RYR2: variants seen among roughly 807,000 people sequenced by gnomAD.
The protein encoded by RYR2 is ryanodine receptor 2, also known as cardiac muscle ryanodine receptor-calcium release channel.
RYR2 carries 227 observed loss-of-function variants against 601.1 expected under a neutral mutation model. The ratio of observed to expected loss-of-function variants is 0.38; its 90% CI spans 0.34 to 0.42. The LOEUF (loss-of-function observed/expected upper bound fraction) is 0.42. Among genes scored for constraint, RYR2 ranks in the 10% least tolerant of loss-of-function variants. The pLI is 1.00. For synonymous variants in RYR2, 2,223 were observed against 2,175.1 expected, an observed-to-expected ratio of 1.02 and a Z score of -0.61; for missense variants, 4,646 against 6,156.5, an observed-to-expected ratio of 0.75 and a Z score of 8.21.
At chr1:237,213,171 T>G (rs1230003999) in intron 1 of RYR2, among the ~76,000 whole-genome samples, 2 of 151,980 alleles carry the variant, frequency 1.3e-5, no homozygotes, top group African/African-American at 4.8e-5. Context: ...TGGCTTATTT[T>G]TTAGGTTTTT....
intron 62 of RYR2, among the ~76,000 whole-genome samples, chr1:237,686,951 GA>G (rs1686446395): frequency 6.6e-6 from 1 of 152,146 alleles, no homozygotes; most frequent in Admixed American, 6.5e-5. Flanking sequence ...GGTTGGGGAC[GA>G]AGGAGATTTC....
intron 1 of RYR2, among the ~76,000 whole-genome samples, chr1:237,049,673 C>T (rs989334599): frequency 1.3e-5 from 2 of 152,040 alleles, no homozygotes; most frequent in African/African-American, 4.8e-5. Context: ...AAGCTTTGAG[C>T]CAGGATTCTT....
intron 2 of RYR2, among the ~76,000 whole-genome samples, chr1:237,318,272 CT>C (rs1225604467): frequency 3.9e-5 from 6 of 152,004 alleles, no homozygotes; most frequent in Non-Finnish European, 8.8e-5. Flanking sequence ...CCTTCATACT[CT>C]TTTTTTGTGA....
chr1:237,534,543 G>A (rs576902474), intron 25 of RYR2, among the ~76,000 whole-genome samples: 5 of 152,008 alleles, frequency 3.3e-5, no homozygotes, highest in Admixed American at 6.5e-5. Flanking sequence ...CACTGATATC[G>A]TAAAGATCAT....
intron 1 of RYR2, among the ~76,000 whole-genome samples, chr1:237,044,416 T>C (rs979447846): frequency 6.6e-6 from 1 of 152,096 alleles, no homozygotes; most frequent in Non-Finnish European, 1.5e-5. Context: ...GAATGCTTAA[T>C]GGGGACCGAG....
chr1:237,278,704 G>A (rs575526892), intron 2 of RYR2, among the ~76,000 whole-genome samples: 6 of 152,216 alleles, frequency 3.9e-5, no homozygotes, highest in East Asian at 1.9e-4. Flanking sequence ...TTTGATTCTC[G>A]TGTGGATAGT....
At chr1:237,745,855 C>T (rs1322342618) in intron 80 of RYR2, among the ~76,000 whole-genome samples, 1 of 151,844 alleles carries the variant, frequency 6.6e-6, no homozygotes, top group Non-Finnish European at 1.5e-5. Context: ...GGAATTGCCA[C>T]ACATTTATAG....
chr1:237,363,358 C>T (rs1437592972), intron 4 of RYR2, among the ~76,000 whole-genome samples: 1 of 151,934 alleles, frequency 6.6e-6, no homozygotes, highest in African/African-American at 2.4e-5. Flanking sequence ...TACAATTTTT[C>T]CTTGAAATTG....
intron 17 of RYR2, among the ~76,000 whole-genome samples, chr1:237,473,040 A>G (rs1243408104): frequency 6.6e-6 from 1 of 151,794 alleles, no homozygotes; most frequent in African/African-American, 2.4e-5. Flanking sequence ...TTTACATTCT[A>G]CCACTAATTT....
intron 44 of RYR2, among the ~76,000 whole-genome samples, chr1:237,636,550 C>G (rs1680892335): frequency 6.6e-6 from 1 of 152,192 alleles, no homozygotes; most frequent in Admixed American, 6.5e-5. Context: ...CAAGGAGCAG[C>G]TAGAACTCTC....
At chr1:237,693,727 T>C (rs1390634014) in intron 63 of RYR2, among the ~76,000 whole-genome samples, 2 of 152,210 alleles carry the variant, frequency 1.3e-5, no homozygotes, top group Admixed American at 6.5e-5. Flanking sequence ...CTTATACCAG[T>C]AGATAAATCT....
At chr1:237,829,933 A>T (rs2102941298) in intron 102 of RYR2, 1 of 152,576 alleles carries the variant, frequency 6.6e-6, no homozygotes, top group South Asian at 2.1e-4. Flanking sequence ...GGTGGAACCA[A>T]GAGGACCAGG....
intron 1 of RYR2, among the ~76,000 whole-genome samples, chr1:237,163,183 A>T (rs1218612886): frequency 6.6e-6 from 1 of 152,170 alleles, no homozygotes; most frequent in African/African-American, 2.4e-5. Context: ...ATCCACCGTG[A>T]TCTCTAAGAT....
intron 43 of RYR2, 132 bp from the exon 44 acceptor site, chr1:237,634,757 T>C: frequency 3.3e-6 from 2 of 612,666 alleles, no homozygotes; most frequent in Non-Finnish European, 5.6e-6. Context: ...TAAACTTTAA[T>C]GTAAATCAAT....
At chr1:237,382,382 T>C (rs946613892) in intron 8 of RYR2, among the ~76,000 whole-genome samples, 1 of 152,234 alleles carries the variant, frequency 6.6e-6, no homozygotes, top group Non-Finnish European at 1.5e-5. Context: ...TTTTTATTGT[T>C]ATTTTTTATT....
At chr1:237,125,917 GT>G (rs1671357280) in intron 1 of RYR2, among the ~76,000 whole-genome samples, 1 of 152,186 alleles carries the variant, frequency 6.6e-6, no homozygotes, top group Non-Finnish European at 1.5e-5. Context: ...GAAAATATCC[GT>G]TTTTAAAGTG....
chr1:237,120,000 G>A lies in RYR2; in HGVS notation c.48+77431G>A, dbSNP rs1033778262. On this transcript the variant is annotated intron_variant, in intron 1 of 104. Coordinates refer to ENST00000366574, the MANE Select transcript of RYR2 (RefSeq NM_001035.3). ...ATGTTTTTGGGTCATGTAGACAGGA[G>A]GTTGTTTTAAAAAGCCGAGGTGGTA... 3.3e-5 allele frequency among the ~76,000 whole-genome samples: 5 copies of A among 152,254 alleles called. No homozygotes were observed. In the East Asian group the frequency reaches 5.8e-4, roughly 18 times the overall value.
At position 237,349,138 on chromosome 1, in the gene RYR2, A is replaced by G. The variant is rs75352890; in HGVS notation, c.274-6827A>G. On this transcript the variant is annotated intron_variant, in intron 3 of 104. Coordinates refer to ENST00000366574, the MANE Select transcript of RYR2 (RefSeq NM_001035.3). ...TCAATCCTAAGGAATATTAATACTT[A>G]TAAAACCACACTGGGTTACCATAGT... is the stretch of plus-strand genomic sequence containing the variant. 3.7e-3 allele frequency among the ~76,000 whole-genome samples: 570 copies of G among 152,330 alleles called. 3 individuals carry two copies. The highest frequency in any genetic ancestry group is 0.013 in the African/African-American group (540 of 41,592).
chr1:237,601,028 G>A (rs1449801504), intron 34 of RYR2, among the ~76,000 whole-genome samples: 2 of 152,196 alleles, frequency 1.3e-5, no homozygotes, highest in Admixed American at 1.3e-4. Flanking sequence ...AAAACAGTAT[G>A]GAGGTTCCTC....
Sources: allele counts gnomAD v4.1 joint callset (sites outside exome capture counted in the v4.1 genomes callset), GRCh38; gene constraint gnomAD v4.1.1; transcripts MANE v1.5; gene names NCBI Gene and HGNC (gene_info 2026-07-23, HGNC 2026-07-21).